NR3C1: variants seen among roughly 807,000 people sequenced by gnomAD.
The protein encoded by NR3C1 is glucocorticoid receptor.
In NR3C1, 14 loss-of-function variants were observed where a neutral mutation model predicts 74.0. The observed-to-expected ratio is 0.19, with a 90% CI of 0.12 to 0.30. The LOEUF (loss-of-function observed/expected upper bound fraction) is 0.30, where lower values mean the gene tolerates loss of function less well. Among genes scored for constraint, NR3C1 ranks in the 10% least tolerant of loss-of-function variants. The pLI is 1.00. For missense variants in NR3C1, 695 were observed against 909.8 expected, an observed-to-expected ratio of 0.76 and a Z score of 3.04; for synonymous variants, 308 against 332.5, an observed-to-expected ratio of 0.93 and a Z score of 0.80.
chr5:143,371,736 T>C (rs1834269958), intron 2 of NR3C1, among the ~76,000 whole-genome samples: 1 of 152,272 alleles, frequency 6.6e-6, no homozygotes, highest in Non-Finnish European at 1.5e-5. Flanking sequence ...AGAGTTATTG[T>C]TAAATGGGAT....
chr5:143,292,015 A>G (rs1416361923), intron 7 of NR3C1, among the ~76,000 whole-genome samples: 2 of 152,052 alleles, frequency 1.3e-5, no homozygotes, highest in Non-Finnish European at 2.9e-5. Flanking sequence ...CATGCCTTGT[A>G]GTTTTTTTGC....
At chr5:143,408,906 T>G (rs753267059) in intron 1 of NR3C1, 2 of 152,206 alleles carry the variant, frequency 1.3e-5, no homozygotes, top group Non-Finnish European at 2.9e-5. Flanking sequence ...ACATCCACCT[T>G]ACTTGACGCA....
intron 7 of NR3C1, 193 bp downstream of exon 7, chr5:143,295,267 C>A: frequency 1.0e-6 from 1 of 985,268 alleles, no homozygotes; most frequent in Non-Finnish European, 1.2e-6. Flanking sequence ...TTCTGCCATA[C>A]CTATTTGTCT....
intron 2 of NR3C1, among the ~76,000 whole-genome samples, chr5:143,320,420 T>A (rs974220203): frequency 6.6e-6 from 1 of 152,182 alleles, no homozygotes; most frequent in African/African-American, 2.4e-5. Flanking sequence ...GGGAGAGGGT[T>A]ACAGCAACAA....
intron 3 of NR3C1, among the ~76,000 whole-genome samples, chr5:143,310,593 C>G (rs1442537255): frequency 1.3e-5 from 2 of 152,120 alleles, no homozygotes; most frequent in Non-Finnish European, 2.9e-5. Context: ...CAGCCAGTAC[C>G]CACCAAGGGT....
At chr5:143,305,062 T>A (rs1819285542) in intron 4 of NR3C1, among the ~76,000 whole-genome samples, 1 of 151,596 alleles carries the variant, frequency 6.6e-6, no homozygotes. Context: ...AACTAAAGAG[T>A]TTCTGCAAAT....
intron 7 of NR3C1, among the ~76,000 whole-genome samples, chr5:143,288,439 G>GTTAA (rs1000106168): frequency 1.3e-5 from 2 of 151,930 alleles, no homozygotes; most frequent in African/African-American, 4.8e-5. Flanking sequence ...AATTTAAGAT[G>GTTAA]TTAATTATTT....
At chr5:143,369,018 A>G (rs1409616212) in intron 2 of NR3C1, among the ~76,000 whole-genome samples, 1 of 152,160 alleles carries the variant, frequency 6.6e-6, no homozygotes, top group African/African-American at 2.4e-5. Context: ...ATAACCCATT[A>G]GTACATTAAC....
At chr5:143,336,199 G>C (rs867105502) in intron 2 of NR3C1, among the ~76,000 whole-genome samples, 4 of 152,238 alleles carry the variant, frequency 2.6e-5, no homozygotes, top group Middle Eastern at 3.4e-3. Context: ...CAGAGCCCTG[G>C]CTGTTGTTCA....
At chr5:143,291,657 A>G (rs1468764144) in intron 7 of NR3C1, among the ~76,000 whole-genome samples, 1 of 152,192 alleles carries the variant, frequency 6.6e-6, no homozygotes, top group Non-Finnish European at 1.5e-5. Context: ...AGCTGGATTA[A>G]TGTCTACTAT....
At chr5:143,323,432 T>C (rs1270816656) in intron 2 of NR3C1, among the ~76,000 whole-genome samples, 3 of 152,030 alleles carry the variant, frequency 2.0e-5, no homozygotes, top group Non-Finnish European at 4.4e-5. Context: ...ATCATGAGAA[T>C]AGCACAGGAA....
In NR3C1 at chr5:143,314,108, T is replaced by G; in HGVS notation, c.1245A>C (p.Gly415=). The G allele has an allele frequency of 6.2e-7, 1 of 1,613,808 alleles. No homozygotes were observed. The change falls in exon 3 of 9, where the codon GGA becomes GGC. Residue 415 remains glycine, a synonymous_variant. Transcript: ENST00000394464. ...ACACCAGGCAGAGTTTGGGAGGTGG[T>G]CCTGTTGTTGCTGTTGAGGAGCTGG... is the stretch of plus-strand genomic sequence containing the variant. ...PPSSSSTATT[G]PPPKLCLVCS... is the part of the protein sequence containing the mutation.
At chr5:143,293,911 T>G (rs756268845) in intron 7 of NR3C1, 35 of 983,240 alleles carry the variant, frequency 3.6e-5, no homozygotes, top group Non-Finnish European at 4.1e-5. Context: ...ATCCAGGCAC[T>G]GAATTATACC....
chr5:143,346,948 A>G (rs1476096647), intron 2 of NR3C1, among the ~76,000 whole-genome samples: 1 of 152,260 alleles, frequency 6.6e-6, no homozygotes, highest in African/African-American at 2.4e-5. Context: ...CTACCAAAGC[A>G]GCAACATGTG....
intron 7 of NR3C1, 78 bp downstream of exon 7, chr5:143,295,382 A>G: frequency 6.3e-7 from 1 of 1,577,306 alleles, no homozygotes; most frequent in East Asian, 2.3e-5. Context: ...TATTAGTACT[A>G]TGTATATAAA....
At position 143,400,798 on chromosome 5, in the gene NR3C1, G is replaced by T. The variant is rs768900943; in HGVS notation, c.42C>A (p.Asn14Lys). ...TCTCCTGAGCAAGCACACTGCTGGG[G>T]TTTTCTTCTCTACCAGGAGTTAATG... ...KESLTPGREE[N>K]PSSVLAQERG... Residue 14 changes from asparagine to lysine, a missense_variant, in exon 2 of 9, where the codon AAC (asparagine) becomes AAA (lysine). Transcript: ENST00000394464. The T allele has an allele frequency of 6.2e-7, 1 of 1,613,540 alleles. No individual in the cohort carries two copies. The highest frequency in any genetic ancestry group is 8.5e-7 in the Non-Finnish European group (1 of 1,179,904).
chr5:143,278,057 G>GA lies in NR3C1; in HGVS notation c.*3831dup, dbSNP rs1812602590. Reference sequence around the variant, plus strand: ...TAATACCAGAACAGCAAATTTAAATGAAAAAATAAAAGTTAAACATTTCCA... The same window carrying GA: ...TAATACCAGAACAGCAAATTTAAATGAAAAAAATAAAAGTTAAACATTTCCA... On this transcript the variant is annotated 3_prime_UTR_variant, in exon 9 of 9. Coordinates refer to ENST00000394464, the MANE Select transcript of NR3C1 (RefSeq NM_000176.3). The GA allele has an allele frequency of 6.6e-6, 1 of 151,936 alleles. No homozygotes were observed. The allele number at this position is 151,936 out of a possible 1,614,324, so 9.4% of individuals were successfully genotyped here. A position where few individuals can be genotyped will look rare whatever the true frequency, so the allele number is the denominator to read the frequency against.
At chr5:143,365,533 G>A (rs1342501548) in intron 2 of NR3C1, among the ~76,000 whole-genome samples, 2 of 152,062 alleles carry the variant, frequency 1.3e-5, no homozygotes, top group Non-Finnish European at 1.5e-5. Flanking sequence ...AGCAAAAAGT[G>A]ACAGAACTGA....
At chr5:143,423,747 C>A (rs905334486) in intron 1 of NR3C1, among the ~76,000 whole-genome samples, 1 of 152,042 alleles carries the variant, frequency 6.6e-6, no homozygotes, top group Non-Finnish European at 1.5e-5. Context: ...AAATGTTGTA[C>A]ATATACACAA....
Sources: gnomAD v4.1 joint callset for allele counts (sites outside exome capture counted in the v4.1 genomes callset) on GRCh38, gnomAD v4.1.1 for gene constraint, MANE v1.5 for transcripts, NCBI Gene and HGNC (gene_info 2026-07-23, HGNC 2026-07-21) for gene names.